PCTP: variants seen among roughly 807,000 people sequenced by gnomAD.
PCTP encodes the protein phosphatidylcholine transfer protein.
Under a neutral mutation model 31.0 loss-of-function variants are expected in PCTP, and 27 were observed. The observed-to-expected ratio is 0.87, with a 90% CI of 0.64 to 1.20. The LOEUF (loss-of-function observed/expected upper bound fraction) is 1.20. PCTP is among the 50% of genes most tolerant of loss of function. The pLI is 0.00. For synonymous variants in PCTP, 108 were observed against 101.2 expected, an observed-to-expected ratio of 1.07 and a Z score of -0.40; for missense variants, 287 against 268.2, an observed-to-expected ratio of 1.07 and a Z score of -0.49.
chr17:55,820,792 G>T (rs1913089503), intron 3 of PCTP, among the ~76,000 whole-genome samples: 1 of 152,144 alleles, frequency 6.6e-6, no homozygotes, highest in Non-Finnish European at 1.5e-5. Context: ...AACATAATTA[G>T]CAATCAGGGA....
downstream of PCTP, among the ~76,000 whole-genome samples, chr17:55,843,504 G>T (rs1311734624): frequency 1.3e-5 from 2 of 152,106 alleles, no homozygotes; most frequent in Non-Finnish European, 2.9e-5. Context: ...TGTTTCATGC[G>T]GCAGTGTCTT....
chr17:55,806,301 G>C (rs1458751762), intron 3 of PCTP, among the ~76,000 whole-genome samples: 1 of 152,078 alleles, frequency 6.6e-6, no homozygotes, highest in Non-Finnish European at 1.5e-5. Flanking sequence ...TGGAGGTACT[G>C]GTTCTTACTG....
Position 55,774,814 on chromosome 17 carries a change from C to A in PCTP, c.534C>A (p.Asn178Lys). ...GSKVFMYYFD[N>K]PGGQIPSWLI... is the part of the protein sequence containing the mutation. The stretch of plus-strand genomic sequence containing the variant: ...TAGTTTTCATGTATTACTTCGATAA[C>A]CCGGGTGGCCAAATTCCGTCCTGGC... Residue 178 changes from asparagine (N) to lysine (K), a missense_variant, in exon 5 of 6, where the codon AAC becomes AAA. Transcript: ENST00000268896. 1 of 1,609,956 alleles carries A rather than the reference C, an allele frequency of 6.2e-7. No individual in the cohort carries two copies.
intron 5 of PCTP, among the ~76,000 whole-genome samples, chr17:55,833,771 A>G (rs1345846677): frequency 6.6e-6 from 1 of 152,194 alleles, no homozygotes. Context: ...AGCAATTGGA[A>G]TATTCTCATC....
At chr17:55,782,363 A>G (rs190108028), downstream of PCTP, among the ~76,000 whole-genome samples, 1 of 152,352 alleles carries the variant, frequency 6.6e-6, no homozygotes, top group East Asian at 1.9e-4. Flanking sequence ...AAGATTAAAC[A>G]TTATACTTGG....
chr17:55,813,549 A>G (rs1189536260), intron 3 of PCTP, among the ~76,000 whole-genome samples: 1 of 152,188 alleles, frequency 6.6e-6, no homozygotes, highest in East Asian at 1.9e-4. Context: ...TCCTGATCTC[A>G]GGTGATTTGC....
chr17:55,850,658 A>G, the PCTP span, among the ~76,000 whole-genome samples: 1 of 152,306 alleles, frequency 6.6e-6, no homozygotes, highest in East Asian at 1.9e-4. Context: ...TGATTCTGTC[A>G]TATACTTTCT....
chr17:55,836,906 G>C (rs1170056718), intron 5 of PCTP, among the ~76,000 whole-genome samples: 1 of 152,194 alleles, frequency 6.6e-6, no homozygotes, highest in Admixed American at 6.5e-5. Flanking sequence ...AGTGCTGGGG[G>C]AATGTACATC....
At chr17:55,767,901 T>C (rs990510952) in intron 2 of PCTP, among the ~76,000 whole-genome samples, 15 of 150,868 alleles carry the variant, frequency 9.9e-5, no homozygotes, top group Non-Finnish European at 1.8e-4. Flanking sequence ...GAGACCAGCC[T>C]GGCCAACATG....
rs547698593 is a variant in PCTP, at chr17:55,802,721, A to G, written c.317+15067A>G. Among the ~76,000 whole-genome samples the G allele has an allele frequency of 3.3e-5, 5 of 152,332 alleles. No individual in the cohort carries two copies. The East Asian group carries it at 9.6e-4, about 29-fold the overall frequency. ...AGGTTTTGATGAAATGTTTCTCAAC[A>G]TAATAAGAGCTATTTATGACAAACC... On this transcript the variant is annotated intron_variant, in intron 3 of 3. Coordinates refer to the PCTP transcript ENST00000572536.
Position 55,776,193 on chromosome 17 carries a change from T to G in PCTP, c.*93T>G. ...GGAAGTGCCACCTGGAAGTGCCACC[T>G]GGAAGTGTCTCTGGAAGAGCACCCA... On this transcript the variant is annotated 3_prime_UTR_variant, in exon 6 of 6. Coordinates refer to ENST00000268896, the MANE Select transcript of PCTP (RefSeq NM_021213.4). 11 of 1,548,868 alleles carry G rather than the reference T, an allele frequency of 7.1e-6. No homozygotes were observed. Among genetic ancestry groups the G allele is most frequent in the Non-Finnish European group, 9.6e-6 (11 of 1,147,004 alleles).
At chr17:55,794,854 C>T (rs1306122906) in intron 3 of PCTP, among the ~76,000 whole-genome samples, 2 of 151,944 alleles carry the variant, frequency 1.3e-5, no homozygotes, top group South Asian at 2.1e-4. Flanking sequence ...ATGAAGTCCC[C>T]AGAGGTTAAA....
chr17:55,812,519 C>T (rs1456938541), intron 3 of PCTP, among the ~76,000 whole-genome samples: 1 of 152,120 alleles, frequency 6.6e-6, no homozygotes, highest in Non-Finnish European at 1.5e-5. Context: ...CCTCACCTGC[C>T]CCATATCTTC....
intron 3 of PCTP, among the ~76,000 whole-genome samples, chr17:55,791,777 A>G (rs1286951054): frequency 1.3e-5 from 2 of 152,146 alleles, no homozygotes. Context: ...AACTAGAAAT[A>G]CCATTTGACC....
chr17:55,787,319 A>C (rs8071855), intron 2 of PCTP, among the ~76,000 whole-genome samples: 56,533 of 150,856 alleles, frequency 0.37, 16,438 homozygotes, highest in African/African-American at 0.82. Context: ...TGTGTGTAGT[A>C]ATATTTTATA....
At chr17:55,788,279 A>G (rs1359031950) in intron 3 of PCTP, among the ~76,000 whole-genome samples, 1 of 152,196 alleles carries the variant, frequency 6.6e-6, no homozygotes, top group Non-Finnish European at 1.5e-5. Context: ...GGCAAGTTTC[A>G]GTTTATTCTT....
chr17:55,763,042 T>C (rs1910424066), intron 1 of PCTP, among the ~76,000 whole-genome samples: 1 of 152,184 alleles, frequency 6.6e-6, no homozygotes, highest in African/African-American at 2.4e-5. Context: ...GATAAGGAAA[T>C]TGAGCCACTG....
intron 5 of PCTP, among the ~76,000 whole-genome samples, chr17:55,838,887 C>CT (rs756955123): frequency 1.8e-4 from 27 of 152,272 alleles, no homozygotes; most frequent in Non-Finnish European, 1.6e-4. Context: ...TTTCTATGGG[C>CT]TGTGCAGTTT....
chr17:55,802,264 A>C (rs7219701), intron 3 of PCTP, among the ~76,000 whole-genome samples: 57,074 of 152,066 alleles, frequency 0.38, 16,594 homozygotes, highest in African/African-American at 0.82. Flanking sequence ...CAGATGGATT[A>C]ACAGCCAAAT....
Sources: gnomAD v4.1 joint callset for allele counts (sites outside exome capture counted in the v4.1 genomes callset) on GRCh38, gnomAD v4.1.1 for gene constraint, MANE v1.5 for transcripts, NCBI Gene and HGNC (gene_info 2026-07-23, HGNC 2026-07-21) for gene names.